The following PDIA6 variants were observed in gnomAD, a reference collection of about 807,000 sequenced individuals.
The protein encoded by PDIA6 is protein disulfide isomerase family A member 6.
In PDIA6, 29 loss-of-function variants were observed where a neutral mutation model predicts 58.4. The ratio of observed to expected loss-of-function variants is 0.50; its 90% confidence interval spans 0.37 to 0.68. PDIA6 has a LOEUF of 0.68. Among genes scored for constraint, PDIA6 ranks in the 30% least tolerant of loss-of-function variants. The pLI is 0.00. For synonymous variants in PDIA6, 192 were observed against 202.6 expected (o/e 0.95, Z 0.44); for missense variants, 480 against 551.0 (o/e 0.87, Z 1.29).
At chr2:10,784,852 T>A (rs1665628699) in intron 12 of PDIA6, 82 bp downstream of exon 12, 3 of 1,046,112 alleles carry the variant, frequency 2.9e-6, no homozygotes, top group Non-Finnish European at 4.3e-6. Context: ...TGGGAAGGAC[T>A]TGACTCCAGG....
intron 1 of PDIA6, among the ~76,000 whole-genome samples, chr2:10,805,234 C>T (rs1666683850): frequency 7.1e-6 from 1 of 141,026 alleles, no homozygotes; most frequent in Non-Finnish European, 1.5e-5. Flanking sequence ...ACAACCCCAT[C>T]AAAAAGTGGG....
At chr2:10,825,243 CCT>C (rs1022461562) in intron 1 of PDIA6, among the ~76,000 whole-genome samples, 2 of 150,218 alleles carry the variant, frequency 1.3e-5, no homozygotes, top group East Asian at 2.0e-4. Context: ...TTTAAAAACT[CCT>C]CTCTCTCTCT....
chr2:10,793,568 C>A (rs766341352), intron 4 of PDIA6, among the ~76,000 whole-genome samples: 1 of 151,976 alleles, frequency 6.6e-6, no homozygotes, highest in East Asian at 1.9e-4. Flanking sequence ...TTCACCATGT[C>A]GGCCAGGCTG....
At chr2:10,827,823 C>CA (rs5829279) in intron 1 of PDIA6, among the ~76,000 whole-genome samples, 63,951 of 119,958 alleles carry the variant, frequency 0.53, 15,607 homozygotes, top group East Asian at 0.78. Flanking sequence ...GACTCTGTCT[C>CA]AAAAAAAAAA....
At chr2:10,834,699 C>CTCCA, upstream of PDIA6, among the ~76,000 whole-genome samples, 1 of 35,242 alleles carries the variant, frequency 2.8e-5, no homozygotes, top group Non-Finnish European at 8.2e-5. Context: ...ACTAATTTCT[C>CTCCA]TCCCTCCCTC....
intron 11 of PDIA6, among the ~76,000 whole-genome samples, chr2:10,786,740 T>C (rs547231426): frequency 1.4e-4 from 22 of 152,352 alleles, no homozygotes; most frequent in African/African-American, 5.0e-4. Context: ...GTCAATGCCC[T>C]GTATTGCCTA....
upstream of PDIA6, chr2:10,815,548 C>G (rs1042919963): frequency 6.6e-6 from 1 of 152,086 alleles, no homozygotes; most frequent in African/African-American, 2.4e-5. Flanking sequence ...GTAACACCCC[C>G]TTTTACTTTT....
chr2:10,833,042 A>T (rs993540288), upstream of PDIA6, among the ~76,000 whole-genome samples: 1 of 151,862 alleles, frequency 6.6e-6, no homozygotes, highest in African/African-American at 2.4e-5. Flanking sequence ...CTCACAGATG[A>T]TATTGGGGCA....
rs146259431 is a variant in PDIA6, at chr2:10,820,495, G to A, written c.-47-1141C>T. Among the ~76,000 whole-genome samples the A allele has an allele frequency of 6.3e-4, 96 of 152,288 alleles. 1 individual carries two copies. Among genetic ancestry groups the A allele is most frequent in the Admixed American group, 4.7e-3 (72 of 15,304 alleles). On this transcript the variant is annotated intron_variant, in intron 1 of 13. Transcript: ENST00000381611. ...CCATGGTGGACATGTCCAGCCCCCA[G>A]GTAGCCTCGTTTCTATAGATGTCAT...
chr2:10,818,498 A>C lies in PDIA6; in HGVS notation c.34+776T>G, dbSNP rs866452657. Among the ~76,000 whole-genome samples, 101 of 121,182 alleles carry C rather than the reference A, an allele frequency of 8.3e-4. 1 individual carries two copies. The highest frequency in any genetic ancestry group is 2.7e-3 in the African/African-American group (86 of 32,174). 79.5% of individuals were successfully genotyped at this position (121,182 alleles called of 152,430 possible). ...AACCATTTAATTTATTTATTTATTTATTTATTTATTTATTTATTTATTTAT... is the reference window on the plus strand; with the variant it reads ...AACCATTTAATTTATTTATTTATTTCTTTATTTATTTATTTATTTATTTAT... On this transcript the variant is annotated intron_variant, in intron 2 of 13. Transcript: ENST00000381611.
At chr2:10,801,997 ACTCTT>A (rs1425652947) in intron 2 of PDIA6, among the ~76,000 whole-genome samples, 2 of 151,906 alleles carry the variant, frequency 1.3e-5, no homozygotes, top group Non-Finnish European at 2.9e-5. Context: ...CACAGTTTCC[ACTCTT>A]CTATTTGGTG....
chr2:10,796,223 T>G (rs2148544947), intron 4 of PDIA6, among the ~76,000 whole-genome samples: 1 of 152,224 alleles, frequency 6.6e-6, no homozygotes, highest in South Asian at 2.1e-4. Context: ...CCGGCTAATT[T>G]TTTGTATTTT....
At chr2:10,784,481 A>G in intron 12 of PDIA6, 155 bp from the exon 13 acceptor site, 1 of 574,068 alleles carries the variant, frequency 1.7e-6, no homozygotes, top group Non-Finnish European at 3.0e-6. Context: ...CGTACCTATG[A>G]TTATACGGAT....
At chr2:10,819,139 AG>A in intron 2 of PDIA6, 5 of 604,802 alleles carry the variant, frequency 8.3e-6, no homozygotes, top group Non-Finnish European at 1.5e-5. Context: ...TTCTTAAAGC[AG>A]AGTCACATTC....
Position 10,787,374 on chromosome 2 carries a change from C to G in PDIA6, c.1064G>C (p.Gly355Ala). ...LETALGIGGF[G>A]YPAMAAINAR... is the part of the protein sequence containing the mutation. ...ATTGATGGCGGCCATGGCGGGGTAC[C>G]CAAACCCTCCAATCCCCAACGCGGT... The change falls in exon 11 of 13, where the codon GGG (glycine) becomes GCG (alanine). Residue 355 changes from glycine to alanine, a missense_variant. Physicochemically the swap from Gly to Ala is moderately conservative, Grantham distance 60. Transcript: ENST00000272227. The G allele has an allele frequency of 6.2e-7, 1 of 1,614,036 alleles. No individual in the cohort carries two copies. The highest frequency in any genetic ancestry group is 8.5e-7 in the Non-Finnish European group (1 of 1,179,994).
chr2:10,789,339 A>G (rs1665927821), intron 8 of PDIA6, among the ~76,000 whole-genome samples: 1 of 119,314 alleles, frequency 8.4e-6, no homozygotes, highest in South Asian at 2.7e-4. Flanking sequence ...CTGTGCCTCA[A>G]TTTCCCCATA....
At position 10,784,724 on chromosome 2, in the gene PDIA6, C is replaced by T. The variant is rs1665622683; in HGVS notation, c.1254+210G>A. 2.5e-5 allele frequency: 14 copies of T among 555,582 alleles called. No individual in the cohort carries two copies. In the Admixed American group the frequency reaches 2.8e-4, roughly 11 times the overall value. The allele number at this position is 555,582 out of a possible 1,614,324, so 34.4% of individuals were successfully genotyped here. A position where few individuals can be genotyped will look rare whatever the true frequency, so the allele number is the denominator to read the frequency against. ...AAGCAACCTTACTACTGAAATGTAT[C>T]TTGGCTGTCAAGAGTATCAAATGCC... is the stretch of plus-strand genomic sequence containing the variant. On this transcript the variant is annotated intron_variant, in intron 12 of 12. Coordinates refer to ENST00000272227, the MANE Select transcript of PDIA6 (RefSeq NM_005742.4).
In PDIA6 at chr2:10,806,628, C is replaced by CAAAGAAAGAAA. The variant is rs142782761; in HGVS notation, c.20-3989_20-3988insTTTCTTTCTTT. Among the ~76,000 whole-genome samples the CAAAGAAAGAAA allele has an allele frequency of 1.1e-4, 8 of 70,354 alleles. 1 individual carries two copies. The highest frequency in any genetic ancestry group is 1.0e-3 in the Admixed American group (6 of 5,744). 46.2% of individuals were successfully genotyped at this position (70,354 alleles called of 152,430 possible). A position where few individuals can be genotyped will look rare whatever the true frequency, so the allele number is the denominator to read the frequency against. ...AACCACATCTCCTAAAAAATAAAGA[C>CAAAGAAAGAAA]AGAAAGAAAGAAAGAAAGAAAAACG... On this transcript the variant is annotated intron_variant, in intron 1 of 12. Transcript: ENST00000272227.
At chr2:10,801,458 GA>G (rs1177459785) in intron 2 of PDIA6, among the ~76,000 whole-genome samples, 3 of 152,146 alleles carry the variant, frequency 2.0e-5, no homozygotes, top group Non-Finnish European at 4.4e-5. Flanking sequence ...TGCCATATAT[GA>G]TAAGCTTGTA....
Sources: allele counts gnomAD v4.1 joint callset (sites outside exome capture counted in the v4.1 genomes callset), GRCh38; gene constraint gnomAD v4.1.1; transcripts MANE v1.5; gene names NCBI Gene and HGNC (gene_info 2026-07-23, HGNC 2026-07-21).